Variants in TXNL4A observed in about 807,000 individuals in gnomAD.
TXNL4A encodes thioredoxin like 4A, also known as thioredoxin-like protein 4A.
TXNL4A carries 17 observed loss-of-function variants against 14.6 expected under a neutral mutation model. The ratio of observed to expected loss-of-function variants is 1.16; its 90% CI spans 0.80 to 1.74. TXNL4A has a LOEUF of 1.74. Among genes scored for constraint, TXNL4A ranks in the 40% most tolerant of loss-of-function variants. The pLI, the probability that TXNL4A is intolerant of heterozygous loss-of-function variation, is 0.00. For missense variants in TXNL4A, 74 were observed against 195.2 expected (o/e 0.38, Z 3.70); for synonymous variants, 83 against 70.6 (o/e 1.18, Z -0.88).
chr18:80,019,406 G>A (rs986791910), intron 1 of TXNL4A, among the ~76,000 whole-genome samples: 4 of 152,124 alleles, frequency 2.6e-5, no homozygotes, highest in Non-Finnish European at 5.9e-5. Context: ...GAACAGCACA[G>A]GAAAGACTGG....
At chr18:80,008,824 C>T (rs758259786) in intron 1 of TXNL4A, among the ~76,000 whole-genome samples, 2 of 152,234 alleles carry the variant, frequency 1.3e-5, no homozygotes, top group Middle Eastern at 3.2e-3. Flanking sequence ...GTCCCCCAGG[C>T]TGGAGTGCAG....
chr18:79,995,638 C>T (rs1213473632), intron 1 of TXNL4A, among the ~76,000 whole-genome samples: 1 of 152,294 alleles, frequency 6.6e-6, no homozygotes, highest in Non-Finnish European at 1.5e-5. Flanking sequence ...AACTAATGAA[C>T]TAGTTAGCTG....
At chr18:80,023,668 T>C (rs961189951) in intron 1 of TXNL4A, among the ~76,000 whole-genome samples, 1 of 152,232 alleles carries the variant, frequency 6.6e-6, no homozygotes, top group Non-Finnish European at 1.5e-5. Context: ...TATGTTACCA[T>C]GAATATTTAT....
In TXNL4A at chr18:80,009,918, A is replaced by G. The variant is rs1222877316; in HGVS notation, c.-61+23933T>C. 2.0e-5 allele frequency among the ~76,000 whole-genome samples: 3 copies of G among 152,072 alleles called. No individual in the cohort carries two copies. In the East Asian group the frequency reaches 5.8e-4, roughly 29 times the overall value. On this transcript the variant is annotated intron_variant, in intron 1 of 2. Transcript: ENST00000585474. Reference sequence around the variant, plus strand: ...GAGTGTTCCTAGAGGAAGGTCATATACCAGTTAAACTTCACCATTTTGCCT... The same window carrying G: ...GAGTGTTCCTAGAGGAAGGTCATATGCCAGTTAAACTTCACCATTTTGCCT...
intron 1 of TXNL4A, among the ~76,000 whole-genome samples, chr18:80,009,029 G>A (rs59226396): frequency 0.011 from 1,691 of 151,598 alleles, 23 homozygotes; most frequent in African/African-American, 0.035. Flanking sequence ...CGCCCTCCTC[G>A]GCCTCCCAAA....
intron 1 of TXNL4A, among the ~76,000 whole-genome samples, chr18:79,994,203 C>G (rs1189403463): frequency 6.6e-6 from 1 of 152,172 alleles, no homozygotes; most frequent in Non-Finnish European, 1.5e-5. Context: ...CAAAGTAGTT[C>G]TAAGTTACAA....
chr18:79,980,913 G>A (rs974463407), intron 1 of TXNL4A, among the ~76,000 whole-genome samples: 3 of 152,172 alleles, frequency 2.0e-5, no homozygotes, highest in African/African-American at 4.8e-5. Flanking sequence ...CTCTGAGTCC[G>A]GTCACTCTGA....
At chr18:79,974,972 T>C (rs2051357062) in intron 2 of TXNL4A, among the ~76,000 whole-genome samples, 2 of 152,074 alleles carry the variant, frequency 1.3e-5, no homozygotes, top group Non-Finnish European at 1.5e-5. Context: ...CCCCGTGAAG[T>C]CTCTGGTTCA....
At position 80,020,516 on chromosome 18, in the gene TXNL4A, T is replaced by C. The variant is rs145787013; in HGVS notation, c.-61+13335A>G. On this transcript the variant is annotated intron_variant, in intron 1 of 2. Transcript: ENST00000585474. ...TTTTTAGCCACCAAGTTAAGCTTTT[T>C]GCTTAGGTAACCAAATGGCTGCTGG... Among the ~76,000 whole-genome samples the C allele has an allele frequency of 2.1e-3, 313 of 152,358 alleles. 3 individuals carry two copies. Among genetic ancestry groups the C allele is most frequent in the Middle Eastern group, 3.4e-3 (1 of 294 alleles).
intron 1 of TXNL4A, among the ~76,000 whole-genome samples, chr18:80,028,857 C>G (rs1027623875): frequency 1.3e-5 from 2 of 152,212 alleles, no homozygotes; most frequent in East Asian, 3.8e-4. Flanking sequence ...CAACATGTAT[C>G]AGAGCTGTTA....
upstream of TXNL4A, among the ~76,000 whole-genome samples, chr18:79,989,814 G>A (rs2051612951): frequency 6.6e-6 from 1 of 152,126 alleles, no homozygotes; most frequent in Admixed American, 6.5e-5. Context: ...GGCCAACATG[G>A]TGAAACCCCG....
intron 1 of TXNL4A, among the ~76,000 whole-genome samples, chr18:79,981,667 T>C (rs952868333): frequency 3.9e-5 from 6 of 152,146 alleles, no homozygotes; most frequent in African/African-American, 1.4e-4. Context: ...GCGAGACTCC[T>C]TCTCAAACTA....
chr18:80,026,873 C>A (rs1355503858), intron 1 of TXNL4A, among the ~76,000 whole-genome samples: 1 of 152,070 alleles, frequency 6.6e-6, no homozygotes, highest in African/African-American at 2.4e-5. Flanking sequence ...CCAAAAATAC[C>A]AAATTAAAAT....
Position 80,000,452 on chromosome 18 carries a change from A to T in TXNL4A, c.-60-22751T>A, listed in dbSNP as rs1226280802. Among the ~76,000 whole-genome samples, 8 of 152,248 alleles carry T rather than the reference A, an allele frequency of 5.3e-5. No homozygotes were observed. The East Asian group carries it at 1.5e-3, about 29-fold the overall frequency. On this transcript the variant is annotated intron_variant, in intron 1 of 2. Transcript: ENST00000585474. ...GAGGGAGATGATTTAGGTATCTGGC[A>T]GGAAATTTCTAAGCAAAGAAAAGCA... is the stretch of plus-strand genomic sequence containing the variant.
intron 1 of TXNL4A, among the ~76,000 whole-genome samples, chr18:80,009,463 C>G (rs2051755441): frequency 6.6e-6 from 1 of 152,130 alleles, no homozygotes; most frequent in African/African-American, 2.4e-5. Context: ...TGGATCCTCT[C>G]AAGTTTGTCA....
At chr18:79,975,579 A>C (rs1376709375) in intron 2 of TXNL4A, among the ~76,000 whole-genome samples, 1 of 152,206 alleles carries the variant, frequency 6.6e-6, no homozygotes, top group Non-Finnish European at 1.5e-5. Context: ...CACCTGAAGA[A>C]TTCTGAGGGG....
At chr18:79,975,662 G>C (rs2051367704) in intron 2 of TXNL4A, among the ~76,000 whole-genome samples, 1 of 152,208 alleles carries the variant, frequency 6.6e-6, no homozygotes, top group Non-Finnish European at 1.5e-5. Context: ...CACCTGGTGT[G>C]GGCTTGGAAG....
chr18:79,990,566 T>C (rs1000483261), upstream of TXNL4A, among the ~76,000 whole-genome samples: 3 of 152,206 alleles, frequency 2.0e-5, no homozygotes, highest in African/African-American at 7.2e-5. Context: ...TTCCTTACCG[T>C]CATTTTGGTA....
intron 1 of TXNL4A, among the ~76,000 whole-genome samples, chr18:80,008,024 G>A (rs1055537723): frequency 2.6e-5 from 4 of 152,130 alleles, no homozygotes; most frequent in African/African-American, 4.8e-5. Flanking sequence ...GGCAGCGCAC[G>A]CCTGTGGTCC....
Sources: allele counts gnomAD v4.1 joint callset (sites outside exome capture counted in the v4.1 genomes callset), GRCh38; gene constraint gnomAD v4.1.1; transcripts MANE v1.5; gene names NCBI Gene and HGNC (gene_info 2026-07-23, HGNC 2026-07-21).